AUTS2: variants seen among roughly 807,000 people sequenced by gnomAD.
The protein encoded by AUTS2 is autism susceptibility gene 2 protein.
A neutral mutation model predicts 112.4 loss-of-function variants in AUTS2; 17 were observed. That is an observed-to-expected ratio of 0.15 (90% CI 0.10 to 0.23). The LOEUF is 0.23. Ranked by LOEUF, AUTS2 falls within the 10% of genes least tolerant of loss-of-function variation. AUTS2 has a pLI of 1.00. For synonymous variants in AUTS2, 751 were observed against 702.7 expected, an observed-to-expected ratio of 1.07 and a Z score of -1.09; for missense variants, 1,510 against 1,701.6, an observed-to-expected ratio of 0.89 and a Z score of 1.98.
chr7:69,787,328 A>G (rs1422744821), intron 1 of AUTS2, among the ~76,000 whole-genome samples: 1 of 152,236 alleles, frequency 6.6e-6, no homozygotes, highest in Non-Finnish European at 1.5e-5. Context: ...GAAACAAGGA[A>G]AATCTAGACA....
chr7:70,474,884 C>T (rs1295594262), intron 5 of AUTS2, among the ~76,000 whole-genome samples: 1 of 152,286 alleles, frequency 6.6e-6, no homozygotes, highest in South Asian at 2.1e-4. Flanking sequence ...TTTCCTTTCC[C>T]TGGGTTTAGG....
intron 2 of AUTS2, among the ~76,000 whole-genome samples, chr7:70,077,616 A>G (rs1487821892): frequency 6.6e-6 from 1 of 152,186 alleles, no homozygotes; most frequent in Non-Finnish European, 1.5e-5. Flanking sequence ...CCATAATGAA[A>G]ACATTTGGAA....
intron 4 of AUTS2, among the ~76,000 whole-genome samples, chr7:70,247,445 GTGA>G (rs1812984670): frequency 6.6e-6 from 1 of 152,072 alleles, no homozygotes; most frequent in Non-Finnish European, 1.5e-5. Flanking sequence ...CTGGATGGTG[GTGA>G]TAATTGAACA....
chr7:70,277,517 G>A (rs1184950560), intron 4 of AUTS2, among the ~76,000 whole-genome samples: 2 of 152,060 alleles, frequency 1.3e-5, no homozygotes, highest in African/African-American at 4.8e-5. Flanking sequence ...AATATTCTAA[G>A]GGTCCCTTGC....
At chr7:70,727,307 G>A (rs1040521297) in intron 6 of AUTS2, among the ~76,000 whole-genome samples, 1 of 152,186 alleles carries the variant, frequency 6.6e-6, no homozygotes, top group African/African-American at 2.4e-5. Flanking sequence ...GACCACAGCC[G>A]TGTTTGTTAG....
rs1486276593 is a variant in AUTS2, at chr7:69,967,762, C to A, written c.522+68264C>A. 4.6e-5 allele frequency among the ~76,000 whole-genome samples: 7 copies of A among 152,182 alleles called. No homozygotes were observed. The East Asian group carries it at 1.2e-3, about 25-fold the overall frequency. ...TGAGGGCAGGAGGTGAGACAATGAT[C>A]AAGTCAAGCTGGTTCTATGTTAAGT... On this transcript the variant is annotated intron_variant, in intron 2 of 18. Coordinates refer to ENST00000342771, the MANE Select transcript of AUTS2 (RefSeq NM_015570.4).
intron 8 of AUTS2, among the ~76,000 whole-genome samples, chr7:70,765,491 G>A (rs1416684011): frequency 6.6e-6 from 1 of 152,048 alleles, no homozygotes; most frequent in Non-Finnish European, 1.5e-5. Flanking sequence ...GAATTTTAAG[G>A]GCAGATCTCA....
chr7:69,918,135 C>G (rs1795665667), intron 2 of AUTS2, among the ~76,000 whole-genome samples: 1 of 152,074 alleles, frequency 6.6e-6, no homozygotes, highest in Admixed American at 6.5e-5. Context: ...GCCACCATGC[C>G]CAGCCCCAAG....
intron 4 of AUTS2, among the ~76,000 whole-genome samples, chr7:70,192,481 A>G (rs534248223): frequency 6.6e-6 from 1 of 152,356 alleles, no homozygotes; most frequent in South Asian, 2.1e-4. Flanking sequence ...TGTATTTAAT[A>G]GTAAGTAGTT....
chr7:69,812,154 C>T (rs1050419106), intron 1 of AUTS2, among the ~76,000 whole-genome samples: 2 of 152,100 alleles, frequency 1.3e-5, no homozygotes, highest in African/African-American at 2.4e-5. Flanking sequence ...AGGAGAGCAT[C>T]GTGTTACTGT....
chr7:70,503,433 G>C (rs1048670584), intron 5 of AUTS2, among the ~76,000 whole-genome samples: 5 of 151,610 alleles, frequency 3.3e-5, no homozygotes, highest in Admixed American at 6.6e-5. Context: ...AGGCCCAGTG[G>C]TTTGTACCTG....
chr7:70,739,633 A>G (rs1787985972), intron 6 of AUTS2, among the ~76,000 whole-genome samples: 1 of 152,072 alleles, frequency 6.6e-6, no homozygotes. Flanking sequence ...AAGTTGTAGA[A>G]TCTTTTGTTT....
At chr7:70,036,519 A>G (rs1801009569) in intron 2 of AUTS2, among the ~76,000 whole-genome samples, 2 of 152,228 alleles carry the variant, frequency 1.3e-5, no homozygotes, top group African/African-American at 4.8e-5. Context: ...TTGGTTTCCT[A>G]GTTTCCCACC....
At chr7:70,106,771 T>C (rs1804787445) in intron 2 of AUTS2, among the ~76,000 whole-genome samples, 1 of 152,192 alleles carries the variant, frequency 6.6e-6, no homozygotes, top group Admixed American at 6.5e-5. Flanking sequence ...GGATTTCTTT[T>C]ATAAAGGTTG....
At chr7:70,212,861 C>A (rs930415363) in intron 4 of AUTS2, among the ~76,000 whole-genome samples, 3 of 151,968 alleles carry the variant, frequency 2.0e-5, no homozygotes, top group African/African-American at 7.3e-5. Flanking sequence ...AACTAAATGT[C>A]TCAAACTTGG....
chr7:70,771,674 G>A, intron 11 of AUTS2, 30 bp downstream of exon 11: 1 of 1,599,146 alleles, frequency 6.3e-7, no homozygotes, highest in Non-Finnish European at 8.6e-7. Flanking sequence ...AAACACACAG[G>A]CATGTGTCTA....
At chr7:69,817,529 C>T (rs991899339) in intron 1 of AUTS2, among the ~76,000 whole-genome samples, 1 of 152,052 alleles carries the variant, frequency 6.6e-6, no homozygotes, top group Admixed American at 6.6e-5. Context: ...AAATAGATTC[C>T]AAGGTTCTGG....
At chr7:69,842,212 C>T (rs1792011879) in intron 1 of AUTS2, among the ~76,000 whole-genome samples, 1 of 151,930 alleles carries the variant, frequency 6.6e-6, no homozygotes, top group Middle Eastern at 3.2e-3. Flanking sequence ...AATATGTTGG[C>T]ATCTTAATAT....
Position 70,105,024 on chromosome 7 carries a change from A to T in AUTS2, c.523-13108A>T, listed in dbSNP as rs1584728842. Among the ~76,000 whole-genome samples the T allele has an allele frequency of 7.9e-5, 12 of 152,094 alleles. No individual in the cohort carries two copies. In the South Asian group the frequency reaches 2.3e-3, roughly 29 times the overall value. ...GAATGAAGGACAGCTTACGTTTTTA[A>T]CTCTAAGGATGTACTTTTACTACTA... On this transcript the variant is annotated intron_variant, in intron 2 of 18. Transcript: ENST00000342771.
Sources: gnomAD v4.1 joint callset for allele counts (sites outside exome capture counted in the v4.1 genomes callset) on GRCh38, gnomAD v4.1.1 for gene constraint, MANE v1.5 for transcripts, NCBI Gene and HGNC (gene_info 2026-07-23, HGNC 2026-07-21) for gene names.